The following NAV1 variants were observed in gnomAD, a reference collection of about 807,000 sequenced individuals.
NAV1 encodes the protein pore membrane and/or filament interacting like protein 3.
Under a neutral mutation model 175.2 loss-of-function variants are expected in NAV1, and 18 were observed. That is an observed-to-expected ratio of 0.10 (90% CI 0.07 to 0.15). NAV1 has a LOEUF of 0.15. NAV1 is among the 10% of genes least tolerant of loss of function. The pLI is 1.00. For missense variants in NAV1, 1,731 were observed against 2,436.6 expected (o/e 0.71, Z 6.10); for synonymous variants, 897 against 978.7 (o/e 0.92, Z 1.56).
At chr1:201,639,782 C>T (rs974202361) in intron 2 of NAV1, among the ~76,000 whole-genome samples, 1 of 152,216 alleles carries the variant, frequency 6.6e-6, no homozygotes, top group Non-Finnish European at 1.5e-5. Context: ...GCCCCGTCCC[C>T]ATCCCAGCTT....
At chr1:201,559,698 C>T (rs984035341) in intron 1 of NAV1, among the ~76,000 whole-genome samples, 2 of 152,230 alleles carry the variant, frequency 1.3e-5, no homozygotes, top group African/African-American at 2.4e-5. Flanking sequence ...TGTCCATCCA[C>T]TTCTCTTTGG....
intron 1 of NAV1, among the ~76,000 whole-genome samples, chr1:201,585,958 A>G (rs1005262777): frequency 6.6e-6 from 1 of 152,230 alleles, no homozygotes. Context: ...CAGCAATTCC[A>G]CGTCTCAGTA....
At chr1:201,752,203 A>G (rs1674155164) in intron 3 of NAV1, among the ~76,000 whole-genome samples, 2 of 148,862 alleles carry the variant, frequency 1.3e-5, no homozygotes, top group South Asian at 4.6e-4. Flanking sequence ...AGATGAAGGC[A>G]AGAGGTCTAT....
At position 201,808,583 on chromosome 1, in the gene NAV1, G is replaced by C; in HGVS notation, c.4011G>C (p.Gln1337His). The change falls in exon 19 of 30, where the codon CAG becomes CAC. Residue 1337 changes from glutamine (Q) to histidine (H), a missense_variant. Transcript: ENST00000367296. The surrounding 1 kb of genome is among the most constrained non-coding windows in gnomAD (Gnocchi z 5.5). ...TCAACTCTGCCCACCAACTGGATCA[G>C]CTTCGGGAGACCATGCACAACATGC... The C allele has an allele frequency of 6.2e-7, 1 of 1,614,260 alleles. No homozygotes were observed. The highest frequency in any genetic ancestry group is 8.5e-7 in the Non-Finnish European group (1 of 1,180,050).
chr1:201,547,514 A>G (rs1665706669), intron 1 of NAV1, among the ~76,000 whole-genome samples: 1 of 152,166 alleles, frequency 6.6e-6, no homozygotes, highest in African/African-American at 2.4e-5. Flanking sequence ...GATCCCTAAA[A>G]TTGGGATAGT....
intron 3 of NAV1, among the ~76,000 whole-genome samples, chr1:201,732,109 CTT>C (rs930893634): frequency 6.8e-6 from 1 of 147,712 alleles, no homozygotes; most frequent in Non-Finnish European, 1.5e-5. Flanking sequence ...CTCTCTCTCT[CTT>C]TTTTTTTTTC....
At chr1:201,656,105 C>T (rs1214397899) in intron 1 of NAV1, among the ~76,000 whole-genome samples, 1 of 152,240 alleles carries the variant, frequency 6.6e-6, no homozygotes, top group African/African-American at 2.4e-5. Context: ...CACACTTCTC[C>T]AACTCAGCTC....
chr1:201,709,145 CAA>C (rs1303364669), intron 1 of NAV1, among the ~76,000 whole-genome samples: 1 of 144,034 alleles, frequency 6.9e-6, no homozygotes, highest in Non-Finnish European at 1.5e-5. Flanking sequence ...ACCCTGTCTC[CAA>C]AAAAAAAAAA....
At chr1:201,642,551 T>TCC (rs774880183) in intron 2 of NAV1, among the ~76,000 whole-genome samples, 2 of 102,328 alleles carry the variant, frequency 2.0e-5, no homozygotes, top group South Asian at 2.3e-4. Flanking sequence ...CTTTCTTTCT[T>TCC]TCTTTTTTCC....
exon 21 of NAV1, chr1:201,809,236 T>C: frequency 4.3e-6 from 7 of 1,613,884 alleles, no homozygotes; most frequent in Non-Finnish European, 5.9e-6. Flanking sequence ...GTGGTGAGGA[T>C]GCCCCCGCAG....
At position 201,788,483 on chromosome 1, in the gene NAV1, C is replaced by A. The variant is rs1351945506; in HGVS notation, c.3011C>A (p.Ala1004Asp). 1 of 1,614,116 alleles carries A rather than the reference C, an allele frequency of 6.2e-7. No individual in the cohort carries two copies. Among genetic ancestry groups the A allele is most frequent in the Non-Finnish European group, 8.5e-7 (1 of 1,180,018 alleles). ...GTCCTTCCAGTGAGTCCCACTGCGG[C>A]CACCACGCCAAGAATCACCCGCTCC... Residue 1004 changes from alanine (A) to aspartate (D), a missense_variant, in exon 10 of 30, where the codon GCC becomes GAC. Physicochemically the swap from Ala to Asp is moderately radical, Grantham distance 126. This residue lies in a region of NAV1 where 634 missense variants were observed against 766.8 expected (regional missense o/e 0.83). Transcript: ENST00000367296. The surrounding 1 kb of genome is among the most constrained non-coding windows in gnomAD (Gnocchi z 5.7).
At chr1:201,781,356 T>C (rs1420515114) in intron 5 of NAV1, 47 bp downstream of exon 9, 2 of 1,513,310 alleles carry the variant, frequency 1.3e-6, no homozygotes, top group Admixed American at 4.6e-5. Flanking sequence ...CCTAGTTCTT[T>C]GGTTGCTCCT....
chr1:201,597,169 G>C (rs185793682), intron 2 of NAV1, among the ~76,000 whole-genome samples: 66 of 152,284 alleles, frequency 4.3e-4, no homozygotes, highest in Admixed American at 1.8e-3. Context: ...GAGAACATTG[G>C]TCTAGTCTAG....
chr1:201,820,201 C>T (rs1679305761), exon 30 of NAV1: 1 of 352,454 alleles, frequency 2.8e-6, no homozygotes, highest in Non-Finnish European at 5.2e-6. Context: ...AAAGATGATT[C>T]TGGGTCTTTC....
chr1:201,687,834 C>T (rs1406299948), intron 1 of NAV1, among the ~76,000 whole-genome samples: 13 of 152,236 alleles, frequency 8.5e-5, no homozygotes, highest in Admixed American at 2.6e-4. Context: ...CATCTGAGGG[C>T]GGGCAAGTTT....
chr1:201,618,547 C>G (rs1489421705), upstream of NAV1, among the ~76,000 whole-genome samples: 2 of 152,116 alleles, frequency 1.3e-5, no homozygotes, highest in Non-Finnish European at 2.9e-5. Context: ...CCAATCAGAG[C>G]AAGGTCAGAG....
chr1:201,655,240 C>A (rs1669354049), intron 1 of NAV1, among the ~76,000 whole-genome samples: 1 of 152,166 alleles, frequency 6.6e-6, no homozygotes, highest in Admixed American at 6.5e-5. Flanking sequence ...CCTGGCCCAA[C>A]CAGGAAGCTC....
intron 13 of NAV1, 93 bp downstream of exon 17, chr1:201,790,859 T>G: frequency 4.1e-6 from 5 of 1,231,886 alleles, no homozygotes; most frequent in Non-Finnish European, 5.9e-6. Context: ...TGGTAAGGTA[T>G]CCCCTGGACT....
chr1:201,554,105 T>C (rs1442913053), intron 1 of NAV1, among the ~76,000 whole-genome samples: 2 of 152,214 alleles, frequency 1.3e-5, no homozygotes, highest in Non-Finnish European at 2.9e-5. Context: ...GAGCTGCCTT[T>C]ATCTCCTGGA....
Sources: gnomAD v4.1 joint callset for allele counts (sites outside exome capture counted in the v4.1 genomes callset) on GRCh38, gnomAD v4.1.1 for gene constraint, gnomAD v4.1.1 regional missense constraint, Gnocchi (gnomAD v3.1) non-coding constraint, MANE v1.5 for transcripts, NCBI Gene and HGNC (gene_info 2026-07-23, HGNC 2026-07-21) for gene names.